The following TMEM132C variants were observed in gnomAD, a reference collection of about 807,000 sequenced individuals.
TMEM132C encodes the protein transmembrane protein 132C.
Under a neutral mutation model 61.4 loss-of-function variants are expected in TMEM132C, and 29 were observed. That is an observed-to-expected ratio of 0.47 (90% CI 0.35 to 0.64). TMEM132C has a LOEUF of 0.64. TMEM132C is among the 30% of genes least tolerant of loss of function. The pLI is 0.00. For synonymous variants in TMEM132C, 656 were observed against 633.1 expected (o/e 1.04, Z -0.54); for missense variants, 1,408 against 1,476.9 (o/e 0.95, Z 0.76).
intron 1 of TMEM132C, among the ~76,000 whole-genome samples, chr12:128,346,585 G>A (rs1873165748): frequency 6.6e-6 from 1 of 152,120 alleles, no homozygotes; most frequent in Admixed American, 6.5e-5. Context: ...TTTGAGGACT[G>A]TTTTGTAGTT....
intron 4 of TMEM132C, among the ~76,000 whole-genome samples, chr12:128,658,959 G>A (rs981398276): frequency 3.9e-5 from 6 of 152,208 alleles, no homozygotes; most frequent in African/African-American, 1.4e-4. Flanking sequence ...ATAAGGACAG[G>A]AGTTAGCTTC....
intron 8 of TMEM132C, among the ~76,000 whole-genome samples, chr12:128,702,696 A>G (rs552672782): frequency 6.6e-6 from 1 of 152,330 alleles, no homozygotes; most frequent in East Asian, 1.9e-4. Context: ...CGCATACCAC[A>G]GAGGTAGTTA....
intron 4 of TMEM132C, among the ~76,000 whole-genome samples, chr12:128,622,360 A>AAAAAAAAAAAAAATATATAT (rs1277080166): frequency 3.3e-5 from 1 of 30,116 alleles, no homozygotes; most frequent in Non-Finnish European, 5.5e-5. Flanking sequence ...AAAAAAAAAA[A>AAAAAAAAAAAAAATATATAT]ATATATATAT....
At chr12:128,571,675 A>C (rs527699724) in intron 3 of TMEM132C, among the ~76,000 whole-genome samples, 2 of 152,304 alleles carry the variant, frequency 1.3e-5, no homozygotes, top group East Asian at 3.9e-4. Flanking sequence ...GGAGTATTTT[A>C]ATAAGGGCTT....
chr12:128,387,716 A>G (rs867363538), intron 1 of TMEM132C, among the ~76,000 whole-genome samples: 2 of 152,184 alleles, frequency 1.3e-5, no homozygotes, highest in African/African-American at 4.8e-5. Flanking sequence ...AGGCCGAGGC[A>G]GGAGAATCAC....
intron 3 of TMEM132C, among the ~76,000 whole-genome samples, chr12:128,573,604 T>C (rs921006421): frequency 6.6e-6 from 1 of 151,762 alleles, no homozygotes; most frequent in Non-Finnish European, 1.5e-5. Context: ...AGTATAATAA[T>C]TTTTTAAAAA....
intron 1 of TMEM132C, among the ~76,000 whole-genome samples, chr12:128,314,010 A>G (rs1419579585): frequency 2.0e-5 from 3 of 152,184 alleles, no homozygotes; most frequent in Non-Finnish European, 4.4e-5. Context: ...GATTAAATCC[A>G]TCACTCACAG....
At chr12:128,476,297 A>AG (rs1389101026) in intron 2 of TMEM132C, among the ~76,000 whole-genome samples, 2 of 152,190 alleles carry the variant, frequency 1.3e-5, no homozygotes, top group East Asian at 3.8e-4. Flanking sequence ...TGGCAACCTG[A>AG]GGAGACGGTT....
At chr12:128,656,239 CAG>C (rs1306474384) in intron 4 of TMEM132C, among the ~76,000 whole-genome samples, 1 of 152,072 alleles carries the variant, frequency 6.6e-6, no homozygotes, top group African/African-American at 2.4e-5. Context: ...TTAGTAGAGA[CAG>C]GGTTTCACCA....
At chr12:128,691,638 A>G (rs554565994) in intron 5 of TMEM132C, among the ~76,000 whole-genome samples, 1 of 152,204 alleles carries the variant, frequency 6.6e-6, no homozygotes, top group South Asian at 2.1e-4. Context: ...CTATTCACCC[A>G]TTTATCCACC....
At chr12:128,653,995 T>C (rs1419601292) in intron 4 of TMEM132C, among the ~76,000 whole-genome samples, 1 of 152,220 alleles carries the variant, frequency 6.6e-6, no homozygotes, top group Non-Finnish European at 1.5e-5. Flanking sequence ...ACACCAGCCC[T>C]TTCTACTCTG....
intron 4 of TMEM132C, among the ~76,000 whole-genome samples, chr12:128,646,016 GT>G (rs1268800344): frequency 2.0e-5 from 3 of 151,894 alleles, no homozygotes; most frequent in African/African-American, 7.3e-5. Context: ...GGATGAGTGT[GT>G]TTCCTGGAGT....
intron 5 of TMEM132C, among the ~76,000 whole-genome samples, chr12:128,687,835 C>T (rs35708621): frequency 0.2 from 31,112 of 152,190 alleles, 4,092 homozygotes; most frequent in African/African-American, 0.38. Flanking sequence ...CCAAACAAGC[C>T]CACAGTCTGA....
At chr12:128,323,785 C>A (rs546627482) in intron 1 of TMEM132C, among the ~76,000 whole-genome samples, 2 of 152,180 alleles carry the variant, frequency 1.3e-5, no homozygotes, top group Admixed American at 6.5e-5. Context: ...TGCTCAGCTG[C>A]GCTCAGGCTG....
At chr12:128,557,979 C>T (rs969141836) in intron 3 of TMEM132C, among the ~76,000 whole-genome samples, 3 of 152,220 alleles carry the variant, frequency 2.0e-5, no homozygotes, top group African/African-American at 7.2e-5. Context: ...CTTGGCTCTT[C>T]TGCGTGGAAG....
chr12:128,344,243 C>T (rs895079131), intron 1 of TMEM132C, among the ~76,000 whole-genome samples: 4 of 152,070 alleles, frequency 2.6e-5, no homozygotes, highest in Non-Finnish European at 4.4e-5. Context: ...CGGCAAGCTC[C>T]GCCTCCCGGG....
intron 1 of TMEM132C, among the ~76,000 whole-genome samples, chr12:128,324,519 A>G (rs1186724269): frequency 6.6e-6 from 1 of 152,216 alleles, no homozygotes; most frequent in Non-Finnish European, 1.5e-5. Context: ...GTTTGTTTAC[A>G]AAGTTAAAAC....
intron 4 of TMEM132C, among the ~76,000 whole-genome samples, chr12:128,661,129 T>G (rs1032969184): frequency 1.3e-5 from 2 of 152,150 alleles, no homozygotes; most frequent in African/African-American, 4.8e-5. Flanking sequence ...ATGGACAAAC[T>G]GTCATGAAGG....
rs61201583 is a variant in TMEM132C, at chr12:128,636,564, TTGTGTGTGTGTG to T, written c.1305+20259_1305+20270del. Among the ~76,000 whole-genome samples, 59 of 142,250 alleles carry T rather than the reference TTGTGTGTGTGTG, an allele frequency of 4.1e-4. 1 individual carries two copies. Among genetic ancestry groups the T allele is most frequent in the African/African-American group, 4.5e-4 (17 of 38,050 alleles). 93.3% of individuals were successfully genotyped at this position (142,250 alleles called of 152,430 possible). A position where few individuals can be genotyped will look rare whatever the true frequency, so the allele number is the denominator to read the frequency against. ...TCTGTTTTGTTTTTTGGGTTTTTGT[TTGTGTGTGTGTG>T]TGTGTGTGTGTGTGTGTGTGTGTGT... On this transcript the variant is annotated intron_variant, in intron 4 of 8. Transcript: ENST00000435159.
Sources: allele counts gnomAD v4.1 joint callset (sites outside exome capture counted in the v4.1 genomes callset), GRCh38; gene constraint gnomAD v4.1.1; transcripts MANE v1.5; gene names NCBI Gene and HGNC (gene_info 2026-07-23, HGNC 2026-07-21).